STPG2: variants seen among roughly 807,000 people sequenced by gnomAD.
STPG2 encodes the protein sperm tail PG-rich repeat containing 2.
In STPG2, 56 loss-of-function variants were observed where a neutral mutation model predicts 54.2. That is an observed-to-expected ratio of 1.03 (90% CI 0.83 to 1.29). STPG2 has a LOEUF of 1.29. Ranked by LOEUF, STPG2 falls within the 50% of genes most tolerant of loss-of-function variation. STPG2 has a pLI of 0.00. For missense variants in STPG2, 596 were observed against 544.9 expected (o/e 1.09, Z -0.93); for synonymous variants, 200 against 181.8 (o/e 1.10, Z -0.81).
chr4:97,954,642 C>T (rs1230250328), intron 7 of STPG2, among the ~76,000 whole-genome samples: 1 of 152,164 alleles, frequency 6.6e-6, no homozygotes, highest in Non-Finnish European at 1.5e-5. Flanking sequence ...GAAAATGAAA[C>T]AACCAAGAGG....
chr4:98,092,071 C>A (rs1441153981), intron 5 of STPG2, among the ~76,000 whole-genome samples: 1 of 152,008 alleles, frequency 6.6e-6, no homozygotes, highest in African/African-American at 2.4e-5. Context: ...AACTATTTTA[C>A]AATAAGACTT....
rs549930513 is a variant in STPG2 at position 98,025,901 on chromosome 4, A to G, written c.613-44583T>C. On this transcript the variant is annotated intron_variant, in intron 5 of 10. Coordinates refer to ENST00000295268, the MANE Select transcript of STPG2 (RefSeq NM_174952.3). ...GGGAGCTGTGGATGGAGGCTTGTCT[A>G]TCCCTCACAGTACCAAATGATTCCC... is the stretch of plus-strand genomic sequence containing the variant. 91 of 1,566,884 alleles carry G rather than the reference A, an allele frequency of 5.8e-5. 3 individuals are homozygous for G. In the Middle Eastern group the frequency reaches 8.5e-4, roughly 15 times the overall value.
At chr4:97,862,938 T>C (rs1195904407) in intron 8 of STPG2, among the ~76,000 whole-genome samples, 1 of 152,060 alleles carries the variant, frequency 6.6e-6, no homozygotes, top group Non-Finnish European at 1.5e-5. Flanking sequence ...CTGGGACACA[T>C]TCAAAGCAGT....
intron 7 of STPG2, among the ~76,000 whole-genome samples, chr4:97,945,355 C>T (rs113852034): frequency 2.0e-5 from 3 of 152,246 alleles, no homozygotes; most frequent in African/African-American, 7.2e-5. Context: ...ATAATGGCCT[C>T]CAGCTCCATC....
At chr4:98,096,711 A>C (rs1020349135) in intron 5 of STPG2, among the ~76,000 whole-genome samples, 1 of 152,158 alleles carries the variant, frequency 6.6e-6, no homozygotes, top group African/African-American at 2.4e-5. Context: ...AAACAAATTG[A>C]CAAACCTTTA....
chr4:97,719,350 G>A (rs1310200708), intron 9 of STPG2, among the ~76,000 whole-genome samples: 1 of 151,800 alleles, frequency 6.6e-6, no homozygotes, highest in Non-Finnish European at 1.5e-5. Flanking sequence ...ATCATATGCA[G>A]CATCATATAT....
chr4:97,580,823 A>G (rs1398367587), intron 10 of STPG2, among the ~76,000 whole-genome samples: 2 of 152,082 alleles, frequency 1.3e-5, no homozygotes, highest in Non-Finnish European at 2.9e-5. Context: ...AGTCTGATTC[A>G]TTATGTGAAA....
Position 97,839,844 on chromosome 4 carries a change from A to C in STPG2, c.1204+929T>G, listed in dbSNP as rs962301395. Among the ~76,000 whole-genome samples, 13 of 151,656 alleles carry C rather than the reference A, an allele frequency of 8.6e-5. No individual in the cohort carries two copies. The South Asian group carries it at 1.4e-3, about 17-fold the overall frequency. ...TCTCCTGTTTTAGTTTTTCATTAAA[A>C]ACTTTGGAAAAAAGAGTTTCTTCAT... On this transcript the variant is annotated intron_variant, in intron 9 of 10. Transcript: ENST00000295268.
intron 4 of STPG2, among the ~76,000 whole-genome samples, chr4:97,447,024 T>C (rs550885246): frequency 2.6e-5 from 4 of 152,332 alleles, no homozygotes; most frequent in Admixed American, 2.0e-4. Flanking sequence ...AGTTTGGAAC[T>C]TCCTAGAGAC....
At chr4:97,447,101 T>C (rs918059613) in intron 4 of STPG2, among the ~76,000 whole-genome samples, 1 of 152,188 alleles carries the variant, frequency 6.6e-6, no homozygotes, top group African/African-American at 2.4e-5. Context: ...TGAAGTGGTC[T>C]CATATGGAGA....
chr4:97,595,293 C>T (rs1467006568), intron 10 of STPG2, among the ~76,000 whole-genome samples: 1 of 152,098 alleles, frequency 6.6e-6, no homozygotes, highest in African/African-American at 2.4e-5. Context: ...AGTTCATGTC[C>T]TTTGTAGGGA....
At chr4:97,624,896 G>T (rs1450465234) in intron 10 of STPG2, among the ~76,000 whole-genome samples, 1 of 152,108 alleles carries the variant, frequency 6.6e-6, no homozygotes, top group Non-Finnish European at 1.5e-5. Context: ...CCCATTGTTT[G>T]TTTTTGTCAG....
At chr4:98,087,803 G>T (rs1738569116) in intron 5 of STPG2, among the ~76,000 whole-genome samples, 1 of 151,892 alleles carries the variant, frequency 6.6e-6, no homozygotes, top group African/African-American at 2.4e-5. Flanking sequence ...CTTGTGATCC[G>T]CCCGCCTCGG....
At chr4:97,748,870 T>C (rs940017925) in intron 9 of STPG2, among the ~76,000 whole-genome samples, 1 of 151,684 alleles carries the variant, frequency 6.6e-6, no homozygotes, top group Non-Finnish European at 1.5e-5. Flanking sequence ...AAAATGGGTT[T>C]GTTTTGCAGT....
chr4:97,704,893 T>C (rs1045033182), intron 10 of STPG2, among the ~76,000 whole-genome samples: 1 of 152,116 alleles, frequency 6.6e-6, no homozygotes, highest in Non-Finnish European at 1.5e-5. Flanking sequence ...AAAGCATATA[T>C]AATTTAAATC....
chr4:98,017,129 C>G (rs1315505946), intron 5 of STPG2, among the ~76,000 whole-genome samples: 1 of 152,204 alleles, frequency 6.6e-6, no homozygotes, highest in Non-Finnish European at 1.5e-5. Flanking sequence ...CCTGAATCTG[C>G]AAGGGCCAGA....
At chr4:98,033,534 G>A (rs1456719540) in intron 5 of STPG2, among the ~76,000 whole-genome samples, 1 of 152,138 alleles carries the variant, frequency 6.6e-6, no homozygotes, top group Non-Finnish European at 1.5e-5. Context: ...ACAAAGTAGA[G>A]CTGGTACCAT....
At chr4:97,866,159 G>A (rs987106408) in intron 8 of STPG2, among the ~76,000 whole-genome samples, 2 of 151,876 alleles carry the variant, frequency 1.3e-5, no homozygotes, top group African/African-American at 4.8e-5. Flanking sequence ...TAGATAGAAT[G>A]AATAAGATCT....
intron 9 of STPG2, among the ~76,000 whole-genome samples, chr4:97,805,835 AG>A (rs1560535884): frequency 1.3e-5 from 2 of 151,334 alleles, no homozygotes; most frequent in African/African-American, 2.4e-5. Context: ...ATTATTAAAA[AG>A]TAAAAAAAAA....
Sources: gnomAD v4.1 joint callset for allele counts (sites outside exome capture counted in the v4.1 genomes callset) on GRCh38, gnomAD v4.1.1 for gene constraint, MANE v1.5 for transcripts, NCBI Gene and HGNC (gene_info 2026-07-23, HGNC 2026-07-21) for gene names.